Variants in MID1 observed in about 807,000 individuals in gnomAD.
MID1 encodes E3 ubiquitin-protein ligase Midline-1.
In MID1, 7 loss-of-function variants were observed where a neutral mutation model predicts 40.4. That is an observed-to-expected ratio of 0.17 (90% CI 0.10 to 0.33). MID1 has a LOEUF of 0.33. MID1 is among the 10% of genes least tolerant of loss of function. MID1 has a pLI of 1.00. For synonymous variants in MID1, 229 were observed against 221.2 expected (o/e 1.04, Z -0.31); for missense variants, 367 against 558.5 (o/e 0.66, Z 3.46).
At chrX:10,481,683 T>G (rs1026364960) in intron 5 of MID1, among the ~76,000 whole-genome samples, 1 of 111,593 alleles carries the variant, frequency 9.0e-6, no homozygotes, top group Non-Finnish European at 1.9e-5. Flanking sequence ...TGACCTCAGG[T>G]GATCCACCCG....
chrX:10,730,612 C>T (rs2043439570), intron 1 of MID1, among the ~76,000 whole-genome samples: 1 of 98,443 alleles, frequency 1.0e-5, no homozygotes, highest in African/African-American at 3.9e-5. Context: ...CGCTCTGTTG[C>T]CCAGGCTGGA....
chrX:10,485,418 A>G (rs1364973251), intron 4 of MID1, among the ~76,000 whole-genome samples: 1 of 112,424 alleles, frequency 8.9e-6, no homozygotes, highest in Non-Finnish European at 1.9e-5. Context: ...TGATGTTTAA[A>G]AAAATTAGAT....
chrX:10,675,676 A>C (rs2043018287), intron 1 of MID1, among the ~76,000 whole-genome samples: 1 of 111,716 alleles, frequency 9.0e-6, no homozygotes, highest in Non-Finnish European at 1.9e-5. Context: ...CATTTTAAAT[A>C]TATAAGTAAT....
chrX:10,605,491 T>A (rs765542195), intron 1 of MID1, among the ~76,000 whole-genome samples: 1 of 111,923 alleles, frequency 8.9e-6, no homozygotes, highest in African/African-American at 3.2e-5. Context: ...CACAAGTAAT[T>A]TGTATTTTCA....
At chrX:10,586,670 A>T (rs895398965) in intron 1 of MID1, among the ~76,000 whole-genome samples, 4 of 110,665 alleles carry the variant, frequency 3.6e-5, no homozygotes, top group Non-Finnish European at 7.6e-5. Context: ...GCATGGGGGG[A>T]CTTTATGTTT....
At chrX:10,783,410 C>T (rs922458849) in intron 1 of MID1, among the ~76,000 whole-genome samples, 49 of 111,788 alleles carry the variant, frequency 4.4e-4, no homozygotes, top group African/African-American at 1.5e-3. Flanking sequence ...TCCTCATCAC[C>T]TTTTTTTCTA....
chrX:10,718,651 G>T (rs942572681), intron 1 of MID1, among the ~76,000 whole-genome samples: 2 of 111,403 alleles, frequency 1.8e-5, no homozygotes, highest in African/African-American at 6.5e-5. Context: ...CTTTTGAAAC[G>T]ATTCCAATCA....
chrX:10,506,840 T>C (rs1392404073), intron 3 of MID1, among the ~76,000 whole-genome samples: 1 of 112,016 alleles, frequency 8.9e-6, no homozygotes, highest in African/African-American at 3.2e-5. Flanking sequence ...CTGGCCTTGG[T>C]CATTCCTGAC....
chrX:10,582,924 T>C (rs919121976), intron 1 of MID1: 3 of 112,146 alleles, frequency 2.7e-5, no homozygotes, highest in African/African-American at 9.7e-5. Context: ...AATTTTTTAT[T>C]ATTAAAAAAT....
intron 1 of MID1, among the ~76,000 whole-genome samples, chrX:10,807,652 C>T (rs989659950): frequency 2.7e-5 from 3 of 112,291 alleles, no homozygotes; most frequent in South Asian, 7.4e-4. Flanking sequence ...AGAAATGGTA[C>T]ATCAAATCTT....
chrX:10,702,741 G>A (rs956045652), intron 1 of MID1, among the ~76,000 whole-genome samples: 1 of 110,288 alleles, frequency 9.1e-6, no homozygotes, highest in Non-Finnish European at 1.9e-5. Flanking sequence ...TGGACTAAAT[G>A]TTTGTGTCTT....
upstream of MID1, among the ~76,000 whole-genome samples, chrX:10,620,813 G>A (rs1301116515): frequency 8.9e-6 from 1 of 112,242 alleles, no homozygotes; most frequent in Non-Finnish European, 1.9e-5. Context: ...CTAGCTAAGG[G>A]CCTTAAATCC....
chrX:10,683,882 T>C (rs1271863489), intron 1 of MID1, among the ~76,000 whole-genome samples: 2 of 100,056 alleles, frequency 2.0e-5, no homozygotes, highest in East Asian at 3.4e-4. Context: ...GCAATTCTCC[T>C]GCCTCAGCCT....
chrX:10,528,027 A>G (rs1169432167), intron 2 of MID1, among the ~76,000 whole-genome samples: 1 of 111,557 alleles, frequency 9.0e-6, no homozygotes, highest in Admixed American at 9.5e-5. Context: ...GCCAAATCAG[A>G]AAATATTTTA....
At chrX:10,601,901 G>GTTTTTT (rs61428047) in intron 1 of MID1, among the ~76,000 whole-genome samples, 3 of 96,284 alleles carry the variant, frequency 3.1e-5, no homozygotes, top group Non-Finnish European at 6.2e-5. Context: ...TTTTGTTTTT[G>GTTTTTT]TTTTTTTTTT....
chrX:10,553,530 T>A (rs1228678633), intron 2 of MID1, among the ~76,000 whole-genome samples: 1 of 111,759 alleles, frequency 8.9e-6, no homozygotes, highest in African/African-American at 3.2e-5. Context: ...TTTGGTCTCT[T>A]AAGAAATTTG....
chrX:10,644,333 A>G (rs892710980), intron 1 of MID1, among the ~76,000 whole-genome samples: 7 of 110,102 alleles, frequency 6.4e-5, no homozygotes, highest in African/African-American at 2.3e-4. Context: ...AAACAAGTCC[A>G]GAAGTGTGGT....
At chrX:10,529,263 A>G (rs1038483105) in intron 2 of MID1, among the ~76,000 whole-genome samples, 15 of 112,380 alleles carry the variant, frequency 1.3e-4, no homozygotes, top group African/African-American at 4.5e-4. Flanking sequence ...AATTAAAAGC[A>G]TGCCCACACA....
intron 8 of MID1, among the ~76,000 whole-genome samples, chrX:10,458,399 G>A (rs764240227): frequency 3.6e-4 from 40 of 111,675 alleles, no homozygotes; most frequent in African/African-American, 1.0e-3. Context: ...ATTGGGTCCC[G>A]GAATAGGAAA....
Sources: allele counts gnomAD v4.1 joint callset (sites outside exome capture counted in the v4.1 genomes callset), GRCh38; gene constraint gnomAD v4.1.1; transcripts MANE v1.5; gene names NCBI Gene and HGNC (gene_info 2026-07-23, HGNC 2026-07-21).